NRG3: variants seen among roughly 807,000 people sequenced by gnomAD.
NRG3 encodes pro-neuregulin-3, membrane-bound isoform.
A neutral mutation model predicts 66.9 loss-of-function variants in NRG3; 31 were observed. That is an observed-to-expected ratio of 0.46 (90% CI 0.35 to 0.63). The LOEUF is 0.63. Ranked by LOEUF, NRG3 falls within the 20% of genes least tolerant of loss-of-function variation. NRG3 has a pLI of 0.00. For synonymous variants in NRG3, 393 were observed against 359.4 expected, an observed-to-expected ratio of 1.09 and a Z score of -1.06; for missense variants, 910 against 878.9, an observed-to-expected ratio of 1.04 and a Z score of -0.45.
At chr10:82,464,876 C>A (rs1345213214) in intron 2 of NRG3, among the ~76,000 whole-genome samples, 2 of 152,114 alleles carry the variant, frequency 1.3e-5, no homozygotes, top group Non-Finnish European at 2.9e-5. Context: ...GAGTGTTTCC[C>A]CCAGCTTCCA....
intron 3 of NRG3, among the ~76,000 whole-genome samples, chr10:82,754,195 A>G (rs1054407727): frequency 2.6e-5 from 4 of 151,878 alleles, no homozygotes; most frequent in Non-Finnish European, 4.4e-5. Flanking sequence ...GAATGAAAAG[A>G]TACATAATGA....
intron 3 of NRG3, among the ~76,000 whole-genome samples, chr10:82,835,391 T>G (rs1437532326): frequency 6.6e-6 from 1 of 152,124 alleles, no homozygotes; most frequent in African/African-American, 2.4e-5. Flanking sequence ...TCTTTCAAAC[T>G]TCCGTATTAA....
chr10:82,053,283 A>G (rs2063686578), intron 1 of NRG3, among the ~76,000 whole-genome samples: 1 of 152,166 alleles, frequency 6.6e-6, no homozygotes, highest in East Asian at 1.9e-4. Flanking sequence ...ATAAAGTCCA[A>G]ATCAAGTGTT....
At chr10:82,648,323 G>T (rs1247620653) in intron 2 of NRG3, among the ~76,000 whole-genome samples, 1 of 151,710 alleles carries the variant, frequency 6.6e-6, no homozygotes, top group Non-Finnish European at 1.5e-5. Flanking sequence ...GTAGATATGC[G>T]GCATTATTTC....
intron 1 of NRG3, among the ~76,000 whole-genome samples, chr10:82,152,553 A>G (rs2070837336): frequency 6.6e-6 from 1 of 151,914 alleles, no homozygotes; most frequent in Admixed American, 6.6e-5. Flanking sequence ...TAGCTCTGTG[A>G]TATCAAGAGA....
At chr10:82,503,989 T>C (rs1478770793) in intron 2 of NRG3, among the ~76,000 whole-genome samples, 1 of 152,196 alleles carries the variant, frequency 6.6e-6, no homozygotes, top group Non-Finnish European at 1.5e-5. Flanking sequence ...AAAATGCCAC[T>C]CTTACTTCTC....
intron 1 of NRG3, among the ~76,000 whole-genome samples, chr10:82,098,818 C>T (rs1159737258): frequency 1.3e-5 from 2 of 152,180 alleles, no homozygotes; most frequent in Non-Finnish European, 2.9e-5. Flanking sequence ...GGCTGGAGCG[C>T]AGTGGTGCGA....
At chr10:82,379,663 A>G (rs1187294109) in intron 2 of NRG3, among the ~76,000 whole-genome samples, 1 of 152,030 alleles carries the variant, frequency 6.6e-6, no homozygotes, top group Non-Finnish European at 1.5e-5. Context: ...GGGAAGAAGG[A>G]CTCTGGTTTA....
intron 2 of NRG3, among the ~76,000 whole-genome samples, chr10:82,572,620 G>A (rs1262121993): frequency 6.6e-6 from 1 of 151,354 alleles, no homozygotes; most frequent in Non-Finnish European, 1.5e-5. Context: ...GCCTACATTT[G>A]TTTAGGTTTC....
intron 3 of NRG3, among the ~76,000 whole-genome samples, chr10:82,796,416 G>A (rs1005454077): frequency 1.4e-4 from 22 of 152,260 alleles, no homozygotes; most frequent in Admixed American, 1.2e-3. Flanking sequence ...ACTCTGCAGC[G>A]AAGTCTGAAA....
intron 1 of NRG3, among the ~76,000 whole-genome samples, chr10:82,297,196 G>T (rs552667225): frequency 6.6e-6 from 1 of 152,166 alleles, no homozygotes; most frequent in South Asian, 2.1e-4. Flanking sequence ...TGGATACTTA[G>T]GTTGATTCTA....
intron 1 of NRG3, among the ~76,000 whole-genome samples, chr10:81,916,403 T>G (rs1845712060): frequency 6.6e-6 from 1 of 152,314 alleles, no homozygotes; most frequent in East Asian, 1.9e-4. Flanking sequence ...TTTCTGGATA[T>G]CTGTTTGCTA....
intron 2 of NRG3, among the ~76,000 whole-genome samples, chr10:82,481,384 G>C (rs1842258707): frequency 6.6e-6 from 1 of 152,010 alleles, no homozygotes; most frequent in Non-Finnish European, 1.5e-5. Context: ...TTATTTGCCA[G>C]GTTCCACATT....
chr10:82,049,517 CT>C (rs1162387185), intron 1 of NRG3, among the ~76,000 whole-genome samples: 1 of 152,114 alleles, frequency 6.6e-6, no homozygotes, highest in African/African-American at 2.4e-5. Flanking sequence ...AAAATTTTCT[CT>C]TAGCTCCTAT....
chr10:82,064,603 A>G (rs945672627), intron 1 of NRG3, among the ~76,000 whole-genome samples: 3 of 152,180 alleles, frequency 2.0e-5, no homozygotes, highest in African/African-American at 7.2e-5. Flanking sequence ...CTATAGACGG[A>G]CGATCAAGGA....
intron 1 of NRG3, among the ~76,000 whole-genome samples, chr10:82,255,476 G>A (rs2077675004): frequency 1.3e-5 from 2 of 152,160 alleles, no homozygotes; most frequent in South Asian, 4.1e-4. Flanking sequence ...ATTAACGTAG[G>A]AGGTAATGCA....
intron 1 of NRG3, among the ~76,000 whole-genome samples, chr10:82,349,431 T>C (rs1589808123): frequency 2.7e-5 from 4 of 150,912 alleles, no homozygotes; most frequent in East Asian, 2.0e-4. Context: ...TTCTCAGATC[T>C]CCAGCTGCGT....
At chr10:82,816,427 G>A (rs1405795047) in intron 3 of NRG3, among the ~76,000 whole-genome samples, 1 of 152,196 alleles carries the variant, frequency 6.6e-6, no homozygotes, top group Non-Finnish European at 1.5e-5. Flanking sequence ...CCCAAAGTGG[G>A]TAGCTACTTT....
intron 3 of NRG3, among the ~76,000 whole-genome samples, chr10:82,786,438 C>CCTCT (rs375513778): frequency 1.3e-5 from 2 of 151,560 alleles, no homozygotes; most frequent in African/African-American, 4.8e-5. Flanking sequence ...TCTTTTTGTG[C>CCTCT]CTCTCTCTCT....
Sources: gnomAD v4.1 joint callset for allele counts (sites outside exome capture counted in the v4.1 genomes callset) on GRCh38, gnomAD v4.1.1 for gene constraint, MANE v1.5 for transcripts, NCBI Gene and HGNC (gene_info 2026-07-23, HGNC 2026-07-21) for gene names.